GART: variants seen among roughly 807,000 people sequenced by gnomAD.
GART encodes the protein trifunctional purine biosynthetic protein adenosine-3.
In GART, 43 loss-of-function variants were observed where a neutral mutation model predicts 107.2. The observed-to-expected ratio is 0.40, with a 90% CI of 0.31 to 0.52. The LOEUF is 0.52. Among genes scored for constraint, GART ranks in the 20% least tolerant of loss-of-function variants. The probability of loss-of-function intolerance (pLI) is 0.52; values close to 1 mark genes in which losing one functional copy is unlikely to be tolerated. For synonymous variants in GART, 434 were observed against 427.0 expected, an observed-to-expected ratio of 1.02 and a Z score of -0.20; for missense variants, 1,107 against 1,206.5, an observed-to-expected ratio of 0.92 and a Z score of 1.22.
intron 5 of GART, 34 bp downstream of exon 5, chr21:33,532,311 A>G (rs1190674936): frequency 6.8e-7 from 1 of 1,468,508 alleles, no homozygotes; most frequent in East Asian, 2.3e-5. Flanking sequence ...CAGTATGAAT[A>G]GAAAAGTAAA....
chr21:33,505,833 G>T, intron 19 of GART, 131 bp from the exon 20 acceptor site: 1 of 1,371,610 alleles, frequency 7.3e-7, no homozygotes, highest in Non-Finnish European at 1.0e-6. Context: ...TTAAGAAAGG[G>T]ACAGGATGAA....
chr21:33,539,027 A>G, intron 2 of GART, 144 bp downstream of exon 2: 1 of 613,018 alleles, frequency 1.6e-6, no homozygotes, highest in South Asian at 2.4e-5. Context: ...TGATCCGCAT[A>G]TCTCGGCCTC....
intron 18 of GART, among the ~76,000 whole-genome samples, chr21:33,506,375 A>G (rs1276908593): frequency 6.6e-6 from 1 of 152,138 alleles, no homozygotes; most frequent in Non-Finnish European, 1.5e-5. Flanking sequence ...AACTCCTGAC[A>G]TCAGGTGATC....
In GART at chr21:33,540,567, C is replaced by T. The variant is rs142451146; in HGVS notation, c.-41-1211G>A. Among the ~76,000 whole-genome samples the T allele has an allele frequency of 3.6e-3, 547 of 152,252 alleles. 3 individuals carry two copies. The highest frequency in any genetic ancestry group is 0.013 in the African/African-American group (523 of 41,518). On this transcript the variant is annotated intron_variant, in intron 1 of 21. Transcript: ENST00000381815. ...CCAACTCATTTCACTTTAGTTCTGG[C>T]ACCTGAGACTTAGAAGGATGGATAC...
chr21:33,514,662 T>C (rs2084845178), intron 16 of GART, among the ~76,000 whole-genome samples: 1 of 152,214 alleles, frequency 6.6e-6, no homozygotes, highest in Non-Finnish European at 1.5e-5. Context: ...AATGAACTAC[T>C]TATTAAGGTT....
intron 18 of GART, chr21:33,509,136 A>T (rs2084738493): frequency 6.6e-6 from 1 of 152,202 alleles, no homozygotes; most frequent in Admixed American, 6.6e-5. Context: ...AGTCCCAGCT[A>T]CTCGGGGGGC....
chr21:33,531,665 G>A (rs1457304691), intron 5 of GART, 108 bp from the exon 6 acceptor site: 2 of 949,512 alleles, frequency 2.1e-6, no homozygotes, highest in African/African-American at 1.7e-5. Context: ...ATGAACCAGT[G>A]AGTACTGTAA....
At chr21:33,514,095 C>T (rs569462950) in intron 16 of GART, among the ~76,000 whole-genome samples, 37 of 152,138 alleles carry the variant, frequency 2.4e-4, no homozygotes, top group African/African-American at 8.4e-4. Flanking sequence ...GGTGAAACCC[C>T]GTCTCTACTA....
Position 33,534,644 on chromosome 21 carries a change from A to C in GART, c.351T>G (p.His117Gln). 6.2e-7 allele frequency: 1 copy of C among 1,614,088 alleles called. No homozygotes were observed. ...KRFAKEFMDR[H>Q]GIPTAQWKAF... Reference sequence around the variant, plus strand: ...CCTTCCATTGTGCGGTTGGGATTCCATGTCTGTCCATAAACTCTTTGGCAA... The same window carrying C: ...CCTTCCATTGTGCGGTTGGGATTCCCTGTCTGTCCATAAACTCTTTGGCAA... Residue 117 changes from histidine to glutamine, a missense_variant, in exon 4 of 22, where the codon CAT becomes CAG. By Grantham distance (24) the His-to-Gln change is conservative. Coordinates refer to ENST00000381815, the MANE Select transcript of GART (RefSeq NM_000819.5).
At chr21:33,515,809 C>T (rs548582960) in intron 16 of GART, among the ~76,000 whole-genome samples, 106 of 152,260 alleles carry the variant, frequency 7.0e-4, no homozygotes, top group African/African-American at 2.5e-3. Context: ...ACTGTCTCCA[C>T]AACTCTGCCA....
intron 4 of GART, 43 bp from the exon 5 acceptor site, chr21:33,532,499 A>G: frequency 7.1e-7 from 1 of 1,410,514 alleles, no homozygotes; most frequent in Non-Finnish European, 1.0e-6. Flanking sequence ...AAACCATTAC[A>G]ACTCAAGATT....
intron 11 of GART, among the ~76,000 whole-genome samples, chr21:33,523,650 A>G (rs2085012956): frequency 6.6e-6 from 1 of 152,202 alleles, no homozygotes; most frequent in Non-Finnish European, 1.5e-5. Context: ...GAACTTCACG[A>G]ACAATAGCAA....
At chr21:33,534,343 G>A (rs2085260800) in intron 4 of GART, among the ~76,000 whole-genome samples, 1 of 152,000 alleles carries the variant, frequency 6.6e-6, no homozygotes, top group South Asian at 2.1e-4. Context: ...CTTTAGAGGA[G>A]CTGGGACTAC....
At position 33,516,984 on chromosome 21, in the gene GART, C is replaced by CT; in HGVS notation, c.2107+4dup. 1.3e-6 allele frequency: 2 copies of CT among 1,587,686 alleles called. No individual in the cohort carries two copies. Among genetic ancestry groups the CT allele is most frequent in the Non-Finnish European group, 1.7e-6 (2 of 1,172,838 alleles). ...CTGAACAGAAGTTCGTTTTAGTGATCTTACCTAAATCTACCCCAAGTTTCT... is the reference window on the plus strand; with the variant it reads ...CTGAACAGAAGTTCGTTTTAGTGATCTTTACCTAAATCTACCCCAAGTTTCT... On this transcript the variant is annotated splice_donor_region_variant and intron_variant, in intron 16 of 21. Transcript: ENST00000381815.
At chr21:33,541,089 A>G (rs930358027) in intron 1 of GART, among the ~76,000 whole-genome samples, 1 of 152,100 alleles carries the variant, frequency 6.6e-6, no homozygotes, top group African/African-American at 2.4e-5. Context: ...CTTTAGTGTA[A>G]CGGGAAAACA....
At chr21:33,541,433 C>T (rs2085421410) in intron 1 of GART, among the ~76,000 whole-genome samples, 1 of 152,172 alleles carries the variant, frequency 6.6e-6, no homozygotes, top group Admixed American at 6.5e-5. Context: ...TCACATCCGG[C>T]CAGAAATAAA....
At chr21:33,504,355 C>A (rs1211019701) in intron 21 of GART, 40 bp from the exon 22 acceptor site, 1 of 1,610,098 alleles carries the variant, frequency 6.2e-7, no homozygotes, top group Non-Finnish European at 8.5e-7. Flanking sequence ...TACCTTCTAG[C>A]CAGTGTCATT....
chr21:33,540,141 C>T (rs969112741), intron 1 of GART, among the ~76,000 whole-genome samples: 13 of 152,268 alleles, frequency 8.5e-5, no homozygotes, highest in African/African-American at 2.2e-4. Flanking sequence ...CTACTCGACT[C>T]GGCCACCTTA....
chr21:33,515,242 CAG>C (rs2084852964), intron 16 of GART, among the ~76,000 whole-genome samples: 1 of 152,156 alleles, frequency 6.6e-6, no homozygotes, highest in African/African-American at 2.4e-5. Flanking sequence ...TAATACTTCA[CAG>C]AGAAGTTATT....
Sources: allele counts gnomAD v4.1 joint callset (sites outside exome capture counted in the v4.1 genomes callset), GRCh38; gene constraint gnomAD v4.1.1; transcripts MANE v1.5; gene names NCBI Gene and HGNC (gene_info 2026-07-23, HGNC 2026-07-21).